The following TMEM71 variants were observed in gnomAD, a reference collection of about 807,000 sequenced individuals.
TMEM71 encodes transmembrane protein 71.
Under a neutral mutation model 38.0 loss-of-function variants are expected in TMEM71, and 44 were observed. That is an observed-to-expected ratio of 1.16 (90% CI 0.91 to 1.49). The LOEUF (loss-of-function observed/expected upper bound fraction) is 1.49, where lower values mean the gene tolerates loss of function less well. TMEM71 is among the 40% of genes most tolerant of loss of function. The pLI, the probability that TMEM71 is intolerant of heterozygous loss-of-function variation, is 0.00. For missense variants in TMEM71, 367 were observed against 348.6 expected, an observed-to-expected ratio of 1.05 and a Z score of -0.42; for synonymous variants, 133 against 122.5, an observed-to-expected ratio of 1.09 and a Z score of -0.56.
At chr8:132,738,166 T>C (rs766113484) in intron 5 of TMEM71, among the ~76,000 whole-genome samples, 1 of 152,094 alleles carries the variant, frequency 6.6e-6, no homozygotes, top group Non-Finnish European at 1.5e-5. Flanking sequence ...TTTTATTTTA[T>C]ATATAAGAAG....
intron 5 of TMEM71, among the ~76,000 whole-genome samples, chr8:132,745,541 C>A (rs1586800702): frequency 6.6e-6 from 1 of 152,206 alleles, no homozygotes; most frequent in African/African-American, 2.4e-5. Flanking sequence ...GTTGATGAGG[C>A]TGCAGAGAAA....
At chr8:132,718,727 T>C (rs1826676943) in intron 7 of TMEM71, among the ~76,000 whole-genome samples, 1 of 152,228 alleles carries the variant, frequency 6.6e-6, no homozygotes, top group Non-Finnish European at 1.5e-5. Flanking sequence ...GAATAAATTG[T>C]TAAAAATTTC....
At chr8:132,752,779 A>C (rs2433059) in intron 3 of TMEM71, among the ~76,000 whole-genome samples, 1 of 147,552 alleles carries the variant, frequency 6.8e-6, no homozygotes, top group African/African-American at 2.6e-5. Flanking sequence ...AGAAAAAAAA[A>C]AGGGAGAGAG....
chr8:132,775,557 C>A, the TMEM71 span: 8 of 363,132 alleles, frequency 2.2e-5, no homozygotes, highest in Non-Finnish European at 3.9e-5. Context: ...TGGGCGGAGG[C>A]AGAGGCAGAG....
rs1241566425 is a variant in TMEM71 at position 132,727,868 on chromosome 8, G to A, written c.606C>T (p.Ser202=). The change falls in exon 6 of 10, where the codon TCC becomes TCT. Residue 202 remains serine (S), a synonymous_variant. Coordinates refer to ENST00000677595, the MANE Select transcript of TMEM71 (RefSeq NM_001382403.1). ...HIISQPPGGN[S]HSLSLQSQLT... is the part of the protein sequence containing the mutation. ...ACTGGGACTGAAGAGACAAGCTATG[G>A]GAGTTTCCTCCAGGAGGCTGAGATA... is the stretch of plus-strand genomic sequence containing the variant. 2 of 1,614,014 alleles carry A rather than the reference G, an allele frequency of 1.2e-6. No homozygotes were observed. Among genetic ancestry groups the A allele is most frequent in the South Asian group, 1.1e-5 (1 of 91,074 alleles).
intron 7 of TMEM71, among the ~76,000 whole-genome samples, chr8:132,721,284 G>A (rs1826827359): frequency 6.6e-6 from 1 of 152,146 alleles, no homozygotes; most frequent in Non-Finnish European, 1.5e-5. Flanking sequence ...AGAGGGTAGA[G>A]AACAAACATA....
downstream of TMEM71, among the ~76,000 whole-genome samples, chr8:132,708,675 C>G (rs1826129785): frequency 1.3e-5 from 2 of 152,124 alleles, no homozygotes; most frequent in South Asian, 4.1e-4. Flanking sequence ...ACTAGATTAC[C>G]TTATGTGGCA....
At chr8:132,743,734 T>C (rs149957675) in intron 5 of TMEM71, among the ~76,000 whole-genome samples, 2 of 152,284 alleles carry the variant, frequency 1.3e-5, no homozygotes, top group East Asian at 3.9e-4. Flanking sequence ...CTCTGAGCTC[T>C]GGATTGCAAA....
intron 7 of TMEM71, among the ~76,000 whole-genome samples, chr8:132,715,431 A>C (rs929177405): frequency 1.4e-3 from 217 of 151,170 alleles, no homozygotes; most frequent in Non-Finnish European, 2.6e-3. Flanking sequence ...AAAAAAAAAA[A>C]AAAAGAATGA....
chr8:132,763,588 T>A (rs2131226879), upstream of TMEM71, among the ~76,000 whole-genome samples: 1 of 152,160 alleles, frequency 6.6e-6, no homozygotes, highest in Non-Finnish European at 1.5e-5. Context: ...CTAATAGAGG[T>A]CACTATAGAA....
intron 5 of TMEM71, among the ~76,000 whole-genome samples, chr8:132,733,558 T>A (rs1258615587): frequency 6.6e-6 from 1 of 152,180 alleles, no homozygotes; most frequent in East Asian, 1.9e-4. Context: ...CAGGCTTCCT[T>A]GCACTGCCTT....
At chr8:132,747,826 T>C (rs1828478283) in intron 4 of TMEM71, among the ~76,000 whole-genome samples, 2 of 152,178 alleles carry the variant, frequency 1.3e-5, no homozygotes, top group South Asian at 2.1e-4. Context: ...AGGTAAGTAA[T>C]GATGAACTTC....
At chr8:132,732,056 A>G (rs1827488325) in intron 5 of TMEM71, among the ~76,000 whole-genome samples, 1 of 152,196 alleles carries the variant, frequency 6.6e-6, no homozygotes, top group Non-Finnish European at 1.5e-5. Flanking sequence ...CAGTTATTGT[A>G]TATACTGCAA....
At chr8:132,738,006 T>C (rs1003505927) in intron 5 of TMEM71, among the ~76,000 whole-genome samples, 3 of 152,200 alleles carry the variant, frequency 2.0e-5, no homozygotes. Context: ...TCATTGTCTG[T>C]TTTGATGATC....
At chr8:132,732,128 A>C (rs1272561287) in intron 5 of TMEM71, among the ~76,000 whole-genome samples, 1 of 152,196 alleles carries the variant, frequency 6.6e-6, no homozygotes, top group Non-Finnish European at 1.5e-5. Flanking sequence ...TGATCTGGAG[A>C]GGGACATACA....
At chr8:132,759,978 A>G (rs1829240837) in intron 1 of TMEM71, among the ~76,000 whole-genome samples, 1 of 152,228 alleles carries the variant, frequency 6.6e-6, no homozygotes, top group Admixed American at 6.5e-5. Flanking sequence ...GTAATATATT[A>G]GTATGTTACT....
At chr8:132,769,189 G>T in the TMEM71 span, among the ~76,000 whole-genome samples, 1 of 152,208 alleles carries the variant, frequency 6.6e-6, no homozygotes, top group Admixed American at 6.5e-5. Context: ...TATAAAGTCT[G>T]CATAGAACTC....
intron 5 of TMEM71, among the ~76,000 whole-genome samples, chr8:132,741,179 A>G (rs1293673186): frequency 6.6e-6 from 1 of 152,118 alleles, no homozygotes; most frequent in Non-Finnish European, 1.5e-5. Context: ...CCTGGCCCAC[A>G]TGGTGAAACC....
intron 7 of TMEM71, among the ~76,000 whole-genome samples, chr8:132,718,204 A>G (rs1772324431): frequency 6.6e-6 from 1 of 152,224 alleles, no homozygotes; most frequent in Non-Finnish European, 1.5e-5. Flanking sequence ...AAAACCACTA[A>G]AGGTGCACTT....
Sources: gnomAD v4.1 joint callset for allele counts (sites outside exome capture counted in the v4.1 genomes callset) on GRCh38, gnomAD v4.1.1 for gene constraint, MANE v1.5 for transcripts, NCBI Gene and HGNC (gene_info 2026-07-23, HGNC 2026-07-21) for gene names.